Variants in XIRP2 observed in about 807,000 individuals in gnomAD.
XIRP2 encodes the protein xin actin-binding repeat-containing protein 2.
Under a neutral mutation model 277.0 loss-of-function variants are expected in XIRP2, and 236 were observed. The ratio of observed to expected loss-of-function variants is 0.85; its 90% confidence interval spans 0.77 to 0.95. The LOEUF is 0.95. Among genes scored for constraint, XIRP2 ranks in the 40% least tolerant of loss-of-function variants. The pLI is 0.00. For synonymous variants in XIRP2, 1,490 were observed against 1,416.5 expected (o/e 1.05, Z -1.17); for missense variants, 4,640 against 4,157.5 (o/e 1.12, Z -3.19).
intron 2 of XIRP2, among the ~76,000 whole-genome samples, chr2:167,127,964 GT>G (rs1452534266): frequency 6.6e-6 from 1 of 152,216 alleles, no homozygotes. Context: ...GATTCCCCCA[GT>G]TTTCTTCTAG....
At chr2:166,898,191 C>T (rs1276602204) in intron 1 of XIRP2, among the ~76,000 whole-genome samples, 1 of 152,122 alleles carries the variant, frequency 6.6e-6, no homozygotes, top group African/African-American at 2.4e-5. Context: ...AATGTCCCTC[C>T]AGTGTTTGCT....
intron 2 of XIRP2, among the ~76,000 whole-genome samples, chr2:167,111,099 A>C (rs1396352978): frequency 9.2e-5 from 14 of 152,062 alleles, no homozygotes; most frequent in Non-Finnish European, 1.5e-5. Flanking sequence ...TTTTTTACAT[A>C]CCGAATTACG....
At chr2:167,062,737 T>C (rs986919337) in intron 2 of XIRP2, among the ~76,000 whole-genome samples, 1 of 152,222 alleles carries the variant, frequency 6.6e-6, no homozygotes, top group Admixed American at 6.6e-5. Flanking sequence ...GGGTGACTTT[T>C]GGTATCTGGT....
chr2:166,900,245 T>C (rs1684347796), intron 1 of XIRP2, among the ~76,000 whole-genome samples: 1 of 152,068 alleles, frequency 6.6e-6, no homozygotes, highest in Non-Finnish European at 1.5e-5. Flanking sequence ...ATCCTTTCCT[T>C]TTGCCCTTTT....
chr2:167,214,351 C>T (rs1324341849), intron 4 of XIRP2, among the ~76,000 whole-genome samples: 1 of 149,346 alleles, frequency 6.7e-6, no homozygotes, highest in Non-Finnish European at 1.5e-5. Flanking sequence ...ATGGCGGGTG[C>T]CAGTAATCCC....
chr2:167,103,231 G>T (rs1690532906), intron 2 of XIRP2, among the ~76,000 whole-genome samples: 1 of 152,130 alleles, frequency 6.6e-6, no homozygotes, highest in South Asian at 2.1e-4. Context: ...TTTACCTACT[G>T]TAATCTACCA....
At chr2:167,146,928 T>C (rs1042694922) in intron 3 of XIRP2, among the ~76,000 whole-genome samples, 3 of 152,154 alleles carry the variant, frequency 2.0e-5, no homozygotes, top group African/African-American at 4.8e-5. Context: ...AACTGCTCAA[T>C]AGTAAAAATA....
At chr2:167,207,156 T>C (rs566645177) in intron 3 of XIRP2, among the ~76,000 whole-genome samples, 33 of 152,288 alleles carry the variant, frequency 2.2e-4, no homozygotes, top group African/African-American at 7.2e-4. Context: ...GAGGATAGAT[T>C]TTTCACTTCT....
Position 166,898,664 on chromosome 2 carries a change from G to C in XIRP2, c.-18-4801G>C, listed in dbSNP as rs185323919. Among the ~76,000 whole-genome samples, 143 of 151,982 alleles carry C rather than the reference G, an allele frequency of 9.4e-4. 2 individuals carry two copies. The East Asian group carries it at 0.022, about 23-fold the overall frequency. The stretch of plus-strand genomic sequence containing the variant: ...ACGCCATATACACTAATAGTACTGT[G>C]CCACTTATCACCTATGCAGATTCCT... On this transcript the variant is annotated intron_variant, in intron 1 of 10. Coordinates refer to ENST00000409195, the MANE Select transcript of XIRP2 (RefSeq NM_152381.6).
chr2:166,900,069 T>C (rs1313556150), intron 1 of XIRP2, among the ~76,000 whole-genome samples: 1 of 152,090 alleles, frequency 6.6e-6, no homozygotes, highest in East Asian at 1.9e-4. Flanking sequence ...TTTTGGACTA[T>C]TTTTTAAGCC....
intron 2 of XIRP2, among the ~76,000 whole-genome samples, chr2:167,024,567 T>G (rs978905410): frequency 1.3e-5 from 2 of 152,142 alleles, no homozygotes; most frequent in African/African-American, 4.8e-5. Flanking sequence ...TTTTGCCCAT[T>G]CAGTATGATA....
At chr2:166,901,174 T>A (rs1574062214) in intron 1 of XIRP2, among the ~76,000 whole-genome samples, 3 of 152,058 alleles carry the variant, frequency 2.0e-5, no homozygotes, top group East Asian at 3.9e-4. Flanking sequence ...GAAAGCAGGT[T>A]TTCCTGGGGA....
chr2:167,002,175 T>C (rs756421728), intron 2 of XIRP2, among the ~76,000 whole-genome samples: 1 of 152,048 alleles, frequency 6.6e-6, no homozygotes, highest in Non-Finnish European at 1.5e-5. Flanking sequence ...TACAACAATA[T>C]CATTTTCCTG....
chr2:167,105,978 T>C (rs567416661), intron 2 of XIRP2, among the ~76,000 whole-genome samples: 2 of 151,584 alleles, frequency 1.3e-5, no homozygotes, highest in Non-Finnish European at 3.0e-5. Flanking sequence ...CTTAAGACTT[T>C]TGCCCACTTT....
Position 167,249,314 on chromosome 2 carries a change from GGCT to G in XIRP2, c.7923_7925del (p.Arg2641_Leu2642delinsSer). 6.2e-7 allele frequency: 1 copy of G among 1,613,784 alleles called. No homozygotes were observed. The highest frequency in any genetic ancestry group is 8.5e-7 in the Non-Finnish European group (1 of 1,179,818). The stretch of plus-strand genomic sequence containing the variant: ...TCGCCAGAAACAGTCGCTGCCAAGA[GGCT>G]CCACCATGTTTTAGCAGCTTCAGAA... On this transcript the variant is annotated inframe_deletion, in exon 9 of 11. Transcript: ENST00000409195.
At chr2:167,221,678 G>C (rs1694437647) in intron 5 of XIRP2, among the ~76,000 whole-genome samples, 1 of 152,082 alleles carries the variant, frequency 6.6e-6, no homozygotes, top group Non-Finnish European at 1.5e-5. Context: ...TGGACAAGAT[G>C]TTTGCTGGTA....
chr2:167,059,448 A>G (rs1426880688), intron 2 of XIRP2, among the ~76,000 whole-genome samples: 1 of 146,894 alleles, frequency 6.8e-6, no homozygotes, highest in Non-Finnish European at 1.5e-5. Flanking sequence ...TAACATGTGG[A>G]AAAAAATAAA....
chr2:167,015,781 GT>G (rs1178647718), intron 2 of XIRP2, among the ~76,000 whole-genome samples: 1 of 151,710 alleles, frequency 6.6e-6, no homozygotes, highest in Non-Finnish European at 1.5e-5. Flanking sequence ...AAATTTTTAA[GT>G]AGAGATGTTG....
chr2:167,146,134 C>T (rs1274864317), intron 3 of XIRP2, among the ~76,000 whole-genome samples: 2 of 150,300 alleles, frequency 1.3e-5, no homozygotes, highest in Non-Finnish European at 3.0e-5. Flanking sequence ...TTTAACACAG[C>T]AGATATGTTA....
Sources: gnomAD v4.1 joint callset for allele counts (sites outside exome capture counted in the v4.1 genomes callset) on GRCh38, gnomAD v4.1.1 for gene constraint, MANE v1.5 for transcripts, NCBI Gene and HGNC (gene_info 2026-07-23, HGNC 2026-07-21) for gene names.